GINS1: variants seen among roughly 807,000 people sequenced by gnomAD.
The protein encoded by GINS1 is DNA replication complex GINS protein PSF1.
A neutral mutation model predicts 34.9 loss-of-function variants in GINS1; 26 were observed. The observed-to-expected ratio is 0.74, with a 90% CI of 0.55 to 1.03. The LOEUF is 1.03. Among genes scored for constraint, GINS1 ranks in the 50% least tolerant of loss-of-function variants. The pLI is 0.00. For missense variants in GINS1, 235 were observed against 237.9 expected (o/e 0.99, Z 0.08); for synonymous variants, 97 against 84.4 (o/e 1.15, Z -0.82).
At chr20:25,445,496 G>A (rs1027530929) in intron 6 of GINS1, among the ~76,000 whole-genome samples, 3 of 152,108 alleles carry the variant, frequency 2.0e-5, no homozygotes, top group East Asian at 1.9e-4. Context: ...ACAGGTGCCC[G>A]CCACCATGCC....
chr20:25,439,994 CA>C (rs34429395), intron 5 of GINS1, among the ~76,000 whole-genome samples: 57,496 of 124,486 alleles, frequency 0.46, 11,853 homozygotes, highest in East Asian at 0.91. Context: ...GACTCTGTCT[CA>C]AAAAAAAAAA....
chr20:25,407,762 T>C lies in GINS1; in HGVS notation c.-59T>C, dbSNP rs2090254774. ...AGGAGTGAGGCGCCGAGAGCCCAGA[T>C]ACCATTTTGGCGTGAGAGCTGGTGG... On this transcript the variant is annotated 5_prime_UTR_variant, in exon 1 of 7. Transcript: ENST00000262460. 1.5e-6 allele frequency: 2 copies of C among 1,318,286 alleles called. No homozygotes were observed. The highest frequency in any genetic ancestry group is 1.7e-5 in the Admixed American group (1 of 58,966). The allele number at this position is 1,318,286 out of a possible 1,614,324, so 81.7% of individuals were successfully genotyped here.
chr20:25,442,338 A>G (rs61029521), intron 6 of GINS1, among the ~76,000 whole-genome samples: 5,536 of 149,254 alleles, frequency 0.037, 317 homozygotes, highest in African/African-American at 0.12. Context: ...CTATCTATCT[A>G]TCTGTCTGTC....
chr20:25,426,726 T>C (rs2146207797), intron 5 of GINS1, among the ~76,000 whole-genome samples: 1 of 151,920 alleles, frequency 6.6e-6, no homozygotes, highest in Non-Finnish European at 1.5e-5. Context: ...GGTTTCTCCA[T>C]GTTGGTCAGG....
chr20:25,408,798 C>A (rs991823517), intron 1 of GINS1: 2 of 385,232 alleles, frequency 5.2e-6, no homozygotes, highest in Non-Finnish European at 7.1e-6. Flanking sequence ...GGTGACACAG[C>A]AAGAAAGCTA....
intron 5 of GINS1, among the ~76,000 whole-genome samples, chr20:25,441,111 G>A (rs950272455): frequency 5.3e-5 from 8 of 152,188 alleles, no homozygotes; most frequent in African/African-American, 1.9e-4. Flanking sequence ...ACTTAGTGCT[G>A]TAGCAGGTCT....
chr20:25,424,443 T>A (rs950661980), intron 4 of GINS1, among the ~76,000 whole-genome samples: 1 of 152,184 alleles, frequency 6.6e-6, no homozygotes, highest in Non-Finnish European at 1.5e-5. Context: ...GTTTTCAACT[T>A]TTTTTTTAAA....
intron 5 of GINS1, among the ~76,000 whole-genome samples, chr20:25,427,604 TTC>T (rs2090398880): frequency 6.6e-6 from 1 of 152,196 alleles, no homozygotes. Context: ...TTCCTGTGTC[TTC>T]TTTGGAGAAA....
At chr20:25,425,482 T>C (rs2090385774) in intron 5 of GINS1, among the ~76,000 whole-genome samples, 155 bp downstream of exon 5, 2 of 152,176 alleles carry the variant, frequency 1.3e-5, no homozygotes, top group Admixed American at 6.5e-5. Flanking sequence ...GATGACAGAA[T>C]ACGATGGAAC....
At chr20:25,439,519 AC>A (rs2090471301) in intron 5 of GINS1, among the ~76,000 whole-genome samples, 1 of 152,158 alleles carries the variant, frequency 6.6e-6, no homozygotes. Context: ...CAAATAAAAT[AC>A]CAAGAGGAAG....
intron 1 of GINS1, among the ~76,000 whole-genome samples, chr20:25,408,118 C>G (rs751895095): frequency 1.3e-5 from 2 of 152,246 alleles, no homozygotes; most frequent in Non-Finnish European, 2.9e-5. Context: ...TGCATTTTAG[C>G]AGTTTTCCTT....
chr20:25,415,267 A>G lies in GINS1; in HGVS notation c.140+1413A>G, dbSNP rs557689771. ...GTGAACCTCAACAGATTTGCAGTAA[A>G]TATAAGGCAGATTTAAAGTCCTGAA... On this transcript the variant is annotated intron_variant, in intron 2 of 6. Transcript: ENST00000262460. 5.2e-4 allele frequency among the ~76,000 whole-genome samples: 79 copies of G among 152,372 alleles called. 1 individual carries two copies. The highest frequency in any genetic ancestry group is 1.9e-3 in the African/African-American group (78 of 41,598).
intron 6 of GINS1, 89 bp from the exon 7 acceptor site, chr20:25,445,834 G>A: frequency 1.2e-6 from 1 of 835,258 alleles, no homozygotes; most frequent in Non-Finnish European, 2.0e-6. Context: ...AAACTAATCA[G>A]TGCTACTTTT....
chr20:25,433,913 A>G (rs2090440191), intron 5 of GINS1, among the ~76,000 whole-genome samples: 1 of 152,196 alleles, frequency 6.6e-6, no homozygotes, highest in African/African-American at 2.4e-5. Context: ...TTAGGGTTGC[A>G]AAGTTACAAT....
rs77113924 is a variant in GINS1, at chr20:25,428,969, C to CTTTTTTTTTTTTTTT, written c.447+3665_447+3679dup. On this transcript the variant is annotated intron_variant, in intron 5 of 6. Coordinates refer to ENST00000262460, the MANE Select transcript of GINS1 (RefSeq NM_021067.5). ...GGGTCCTCCACCTTCATTCCTCTCT[C>CTTTTTTTTTTTTTTT]TTTTTTTTTTTTTTTTTTTTTTTTT... 3.9e-5 allele frequency among the ~76,000 whole-genome samples: 5 copies of CTTTTTTTTTTTTTTT among 127,436 alleles called. 1 individual carries two copies. The highest frequency in any genetic ancestry group is 4.1e-4 in the East Asian group (1 of 2,416). 83.6% of individuals were successfully genotyped at this position (127,436 alleles called of 152,430 possible). A position where few individuals can be genotyped will look rare whatever the true frequency, so the allele number is the denominator to read the frequency against.
chr20:25,427,426 G>T (rs1355480764), intron 5 of GINS1, among the ~76,000 whole-genome samples: 2 of 152,086 alleles, frequency 1.3e-5, no homozygotes, highest in Non-Finnish European at 2.9e-5. Context: ...TTGAACTCCT[G>T]ACCTCAGGTG....
intron 4 of GINS1, among the ~76,000 whole-genome samples, chr20:25,422,142 A>G (rs4423675): frequency 0.43 from 65,428 of 151,958 alleles, 15,567 homozygotes; most frequent in Admixed American, 0.55. Context: ...GTACAGCCCA[A>G]TGATGTGTCA....
chr20:25,417,801 C>T (rs554557356), intron 3 of GINS1, among the ~76,000 whole-genome samples: 11 of 152,214 alleles, frequency 7.2e-5, no homozygotes, highest in Non-Finnish European at 1.2e-4. Flanking sequence ...TTGTAGTGAA[C>T]GGAGATCGTG....
chr20:25,424,990 GCT>G (rs1443858583), intron 4 of GINS1, among the ~76,000 whole-genome samples: 1 of 152,152 alleles, frequency 6.6e-6, no homozygotes, highest in Non-Finnish European at 1.5e-5. Flanking sequence ...TGAAATGTAA[GCT>G]CTCTGAGAAC....
Sources: allele counts gnomAD v4.1 joint callset (sites outside exome capture counted in the v4.1 genomes callset), GRCh38; gene constraint gnomAD v4.1.1; transcripts MANE v1.5; gene names NCBI Gene and HGNC (gene_info 2026-07-23, HGNC 2026-07-21).